The following ZNF664 variants were observed in gnomAD, a reference collection of about 807,000 sequenced individuals.
ZNF664 encodes zinc finger Organ of Corti 1.
In ZNF664, 10 loss-of-function variants were observed where a neutral mutation model predicts 18.2. That is an observed-to-expected ratio of 0.55 (90% CI 0.34 to 0.93). ZNF664 has a LOEUF of 0.93. ZNF664 is among the 40% of genes least tolerant of loss of function. The probability of loss-of-function intolerance (pLI) is 0.02; values close to 1 mark genes in which losing one functional copy is unlikely to be tolerated. For missense variants in ZNF664, 193 were observed against 319.0 expected, an observed-to-expected ratio of 0.61 and a Z score of 3.01; for synonymous variants, 119 against 104.2, an observed-to-expected ratio of 1.14 and a Z score of -0.86.
rs1956614342 is a variant in ZNF664, at chr12:123,973,266, C to G, written c.-978C>G. 1.0e-6 allele frequency: 1 copy of G among 1,002,400 alleles called. No individual in the cohort carries two copies. The highest frequency in any genetic ancestry group is 1.8e-5 in the African/African-American group (1 of 57,078). The allele number at this position is 1,002,400 out of a possible 1,614,324, so 62.1% of individuals were successfully genotyped here. A position where few individuals can be genotyped will look rare whatever the true frequency, so the allele number is the denominator to read the frequency against. ...GTGCGGAGCGCGCGCGCGCGCGGCT[C>G]GGAGGCGCACCTGTGAGGTGTCCCT... On this transcript the variant is annotated 5_prime_UTR_variant, in exon 1 of 5. Coordinates refer to ENST00000337815, the MANE Select transcript of ZNF664 (RefSeq NM_152437.3).
chr12:123,979,364 G>C (rs745623341), intron 2 of ZNF664, among the ~76,000 whole-genome samples: 1 of 152,166 alleles, frequency 6.6e-6, no homozygotes, highest in African/African-American at 2.4e-5. Flanking sequence ...AGATTTTTTT[G>C]TTGGGAGGAG....
intron 2 of ZNF664, among the ~76,000 whole-genome samples, chr12:123,977,670 C>G (rs1183098978): frequency 6.6e-6 from 1 of 152,064 alleles, no homozygotes; most frequent in African/African-American, 2.4e-5. Flanking sequence ...TGGAGATGCT[C>G]ATTTTGGGGT....
chr12:123,986,545 C>G (rs1956828045), intron 2 of ZNF664, among the ~76,000 whole-genome samples: 1 of 152,228 alleles, frequency 6.6e-6, no homozygotes, highest in Non-Finnish European at 1.5e-5. Flanking sequence ...GGATCATAAC[C>G]TCTCAGCTTC....
intron 2 of ZNF664, among the ~76,000 whole-genome samples, chr12:123,986,535 G>A (rs1322013733): frequency 2.6e-5 from 4 of 152,248 alleles, no homozygotes; most frequent in East Asian, 1.9e-4. Context: ...GTCATTTTGC[G>A]GATCATAACC....
intron 3 of ZNF664, among the ~76,000 whole-genome samples, chr12:123,991,667 G>C (rs900746546): frequency 6.6e-6 from 1 of 152,156 alleles, no homozygotes; most frequent in Non-Finnish European, 1.5e-5. Context: ...TTTGCAGCTC[G>C]ATCAGATCAG....
Position 124,012,868 on chromosome 12 carries a change from C to G in ZNF664, c.724C>G (p.Leu242Val). The G allele has an allele frequency of 6.2e-7, 1 of 1,614,078 alleles. No homozygotes were observed. The highest frequency in any genetic ancestry group is 8.5e-7 in the Non-Finnish European group (1 of 1,180,006). The part of the protein sequence containing the change: ...CGKAFSQSTS[L>V]CIHQRVHTKE... The stretch of plus-strand genomic sequence containing the variant: ...AAAGGCCTTCAGTCAGAGTACGAGC[C>G]TCTGCATCCACCAGAGAGTCCACAC... Residue 242 changes from leucine (L) to valine (V), a missense_variant, in exon 5 of 5, where the codon CTC (leucine) becomes GTC (valine). Leu to Val is a conservative substitution (Grantham distance 32). Around this residue, in one of 3 missense-constraint regions of ZNF664, gnomAD observed 42 missense variants for 46.4 expected, o/e 0.91. Coordinates refer to ENST00000337815, the MANE Select transcript of ZNF664 (RefSeq NM_152437.3).
chr12:124,007,073 G>C (rs1957081324), intron 3 of ZNF664, among the ~76,000 whole-genome samples: 1 of 152,204 alleles, frequency 6.6e-6, no homozygotes, highest in African/African-American at 2.4e-5. Context: ...GATCCTTGCT[G>C]TGTGTTGGCC....
intron 3 of ZNF664, among the ~76,000 whole-genome samples, chr12:124,010,815 C>T (rs1193269800): frequency 6.6e-6 from 1 of 152,174 alleles, no homozygotes; most frequent in Admixed American, 6.5e-5. Context: ...CGGGGGGCCT[C>T]TTTAGGTAGG....
At chr12:124,005,837 T>TGGG in intron 3 of ZNF664, 1 of 152,746 alleles carries the variant, frequency 6.5e-6, no homozygotes, top group Middle Eastern at 3.4e-3. Context: ...CAGTGTGCCC[T>TGGG]TCTGCGTACT....
In ZNF664 at chr12:123,988,060, T is replaced by C. The variant is rs1353376730; in HGVS notation, c.-739T>C. The C allele has an allele frequency of 1.3e-5, 16 of 1,231,302 alleles. No individual in the cohort carries two copies. Among genetic ancestry groups the C allele is most frequent in the East Asian group, 1.3e-4 (4 of 31,702 alleles). 76.3% of individuals were successfully genotyped at this position (1,231,302 alleles called of 1,614,324 possible). ...CCATCCAGCAGGATCCTAAGGCCTT[T>C]GTAGTCCTTCAGCCACTGTGGGCCC... On this transcript the variant is annotated 5_prime_UTR_variant, in exon 3 of 5. Coordinates refer to ENST00000337815, the MANE Select transcript of ZNF664 (RefSeq NM_152437.3).
intron 2 of ZNF664, among the ~76,000 whole-genome samples, chr12:123,982,220 G>C (rs1308006044): frequency 6.6e-6 from 1 of 152,166 alleles, no homozygotes; most frequent in Non-Finnish European, 1.5e-5. Context: ...TAATAGTATG[G>C]CTGGAGCATG....
intron 3 of ZNF664, among the ~76,000 whole-genome samples, chr12:124,004,553 G>A (rs76515736): frequency 0.018 from 2,762 of 152,310 alleles, 40 homozygotes; most frequent in Non-Finnish European, 0.027. Flanking sequence ...TACGGCTTTA[G>A]ATTGTCATAC....
At chr12:124,006,003 T>C (rs1417753448) in intron 3 of ZNF664, 1 of 152,440 alleles carries the variant, frequency 6.6e-6, no homozygotes, top group Non-Finnish European at 1.5e-5. Context: ...CTTGGCCTCC[T>C]GCTTAGTAGT....
chr12:124,002,144 A>G (rs1957019593), intron 3 of ZNF664, among the ~76,000 whole-genome samples: 1 of 152,250 alleles, frequency 6.6e-6, no homozygotes, highest in Non-Finnish European at 1.5e-5. Context: ...AAGACAACGC[A>G]TGTGCTGAGG....
At position 124,014,711 on chromosome 12, in the gene ZNF664, T is replaced by A. The variant is rs990331467; in HGVS notation, c.*1781T>A. On this transcript the variant is annotated 3_prime_UTR_variant, in exon 5 of 5. Coordinates refer to ENST00000337815, the MANE Select transcript of ZNF664 (RefSeq NM_152437.3). ...AAATACTGAAAGTTTGATTTTTCTT[T>A]CCATATTTGAATTAATTTTTTCTGT... 4.2e-5 allele frequency: 7 copies of A among 167,098 alleles called. No homozygotes were observed. The allele number at this position is 167,098 out of a possible 1,614,324, so 10.4% of individuals were successfully genotyped here. A position where few individuals can be genotyped will look rare whatever the true frequency, so the allele number is the denominator to read the frequency against.
chr12:123,984,054 TGTGAACA>T (rs1289491712), intron 2 of ZNF664, among the ~76,000 whole-genome samples: 2 of 152,242 alleles, frequency 1.3e-5, no homozygotes, highest in East Asian at 3.8e-4. Flanking sequence ...CTGGAGGCCT[TGTGAACA>T]GTTGAAATGT....
chr12:123,979,736 TGGTAC>T (rs1365621815), intron 2 of ZNF664, among the ~76,000 whole-genome samples: 14 of 152,172 alleles, frequency 9.2e-5, no homozygotes, highest in African/African-American at 3.4e-4. Flanking sequence ...TGGAGTGCAG[TGGTAC>T]GGAATGTGGT....
At chr12:123,994,426 A>G (rs1206613066) in intron 3 of ZNF664, among the ~76,000 whole-genome samples, 1 of 152,250 alleles carries the variant, frequency 6.6e-6, no homozygotes, top group Non-Finnish European at 1.5e-5. Flanking sequence ...ATGCTAACAT[A>G]AATGACATTT....
At chr12:123,983,841 A>G (rs1050076229) in intron 2 of ZNF664, among the ~76,000 whole-genome samples, 3 of 152,234 alleles carry the variant, frequency 2.0e-5, no homozygotes, top group African/African-American at 4.8e-5. Flanking sequence ...TTTTAATACT[A>G]TAACTTTACA....
Sources: allele counts gnomAD v4.1 joint callset (sites outside exome capture counted in the v4.1 genomes callset), GRCh38; gene constraint gnomAD v4.1.1; regional missense constraint gnomAD v4.1.1; transcripts MANE v1.5; gene names NCBI Gene and HGNC (gene_info 2026-07-23, HGNC 2026-07-21).